Variants in BIRC6 observed in about 807,000 individuals in gnomAD.
BIRC6 encodes the protein dual E2 ubiquitin-conjugating enzyme/E3 ubiquitin-protein ligase BIRC6.
BIRC6 carries 98 observed loss-of-function variants against 503.3 expected under a neutral mutation model. The ratio of observed to expected loss-of-function variants is 0.19; its 90% confidence interval spans 0.17 to 0.23. The LOEUF (loss-of-function observed/expected upper bound fraction) is 0.23, where lower values mean the gene tolerates loss of function less well. BIRC6 is among the 10% of genes least tolerant of loss of function. The pLI is 1.00. For missense variants in BIRC6, 5,360 were observed against 5,806.0 expected, an observed-to-expected ratio of 0.92 and a Z score of 2.50; for synonymous variants, 2,240 against 2,078.7, an observed-to-expected ratio of 1.08 and a Z score of -2.11.
intron 53 of BIRC6, among the ~76,000 whole-genome samples, chr2:32,512,710 A>G (rs1240342920): frequency 6.6e-6 from 1 of 152,118 alleles, no homozygotes; most frequent in African/African-American, 2.4e-5. Context: ...AAACCTTTTG[A>G]TGGTTGAAAT....
intron 66 of BIRC6, among the ~76,000 whole-genome samples, chr2:32,581,123 G>A (rs2060646836): frequency 1.3e-5 from 2 of 152,196 alleles, no homozygotes; most frequent in Admixed American, 1.3e-4. Context: ...AAGTCGTTAA[G>A]TCAAAAAGCA....
intron 61 of BIRC6, 78 bp from the exon 62 acceptor site, chr2:32,543,163 C>A (rs1170830290): frequency 7.3e-7 from 1 of 1,361,316 alleles, no homozygotes; most frequent in Non-Finnish European, 1.0e-6. Flanking sequence ...TTAAAGAGAT[C>A]ATTTAAAGTT....
intron 62 of BIRC6, among the ~76,000 whole-genome samples, chr2:32,544,857 T>G (rs2057943879): frequency 6.6e-6 from 1 of 152,080 alleles, no homozygotes; most frequent in African/African-American, 2.4e-5. Flanking sequence ...CAGGAATTTC[T>G]AATTACTTGA....
chr2:32,523,393 A>G (rs2055939852), intron 57 of BIRC6: 2 of 152,316 alleles, frequency 1.3e-5, no homozygotes, highest in Admixed American at 6.5e-5. Flanking sequence ...TTATTACCTA[A>G]TATTCTTTGT....
At chr2:32,411,500 C>T (rs377723612) in intron 9 of BIRC6, among the ~76,000 whole-genome samples, 14 of 143,494 alleles carry the variant, frequency 9.8e-5, no homozygotes, top group East Asian at 9.0e-4. Context: ...TCTTTTGAGA[C>T]GGGATCTCAC....
chr2:32,594,701 T>TGG (rs2061571500), intron 67 of BIRC6, among the ~76,000 whole-genome samples: 3 of 132,512 alleles, frequency 2.3e-5, no homozygotes, highest in African/African-American at 5.5e-5. Flanking sequence ...TGTTTCCAGA[T>TGG]AGATGGATGG....
intron 71 of BIRC6, among the ~76,000 whole-genome samples, chr2:32,606,086 TTC>T (rs1006746647): frequency 2.4e-4 from 36 of 152,372 alleles, no homozygotes; most frequent in African/African-American, 8.7e-4. Context: ...GTAATTGCTG[TTC>T]TTTTTCATTT....
intron 10 of BIRC6, among the ~76,000 whole-genome samples, chr2:32,426,360 T>C (rs2043492513): frequency 6.6e-6 from 1 of 152,158 alleles, no homozygotes; most frequent in Admixed American, 6.5e-5. Flanking sequence ...CCCAGCACTT[T>C]GGGAGGTCAA....
intron 61 of BIRC6, among the ~76,000 whole-genome samples, chr2:32,538,981 C>T (rs1026757593): frequency 6.6e-6 from 1 of 152,044 alleles, no homozygotes. Flanking sequence ...GAAAAGCAAA[C>T]GTTTGTCAGA....
rs776800382 is a variant in BIRC6, at chr2:32,416,107, C to G, written c.2816C>G (p.Thr939Arg). The G allele has an allele frequency of 6.2e-7, 1 of 1,613,394 alleles. No individual in the cohort carries two copies. Among genetic ancestry groups the G allele is most frequent in the East Asian group, 2.2e-5 (1 of 44,880 alleles). ...AAGGAGGGCACTGAGGAACAGGACA[C>G]ATTTGTTTCTGTGATTTACTGTTCT... ...PKKEGTEEQDTFVSVIYCSGT... is the reference protein window; with the variant it reads ...PKKEGTEEQDRFVSVIYCSGT... The change falls in exon 10 of 74, where the codon ACA becomes AGA. Residue 939 changes from threonine to arginine, a missense_variant. Thr to Arg is a moderately conservative substitution (Grantham distance 71). Coordinates refer to ENST00000421745, the MANE Select transcript of BIRC6 (RefSeq NM_016252.4).
At chr2:32,521,957 C>T (rs191504946) in intron 57 of BIRC6, 7 of 152,018 alleles carry the variant, frequency 4.6e-5, no homozygotes, top group African/African-American at 9.6e-5. Flanking sequence ...CACTAAATTT[C>T]GAAATATTTT....
In BIRC6 at chr2:32,401,319, T is replaced by C; in HGVS notation, c.1191T>C (p.Pro397=). ...RISCFGSGSC[P]HFLAAATKRG... The stretch of plus-strand genomic sequence containing the variant: ...CTTGCTTTGGGTCGGGGAGCTGCCC[T>C]CATTTTCTAGCTGCTGCAACTAAAC... The change falls in exon 7 of 74, where the codon CCT becomes CCC. Residue 397 remains proline (P), a synonymous_variant. Transcript: ENST00000421745. The C allele has an allele frequency of 6.2e-7, 1 of 1,614,038 alleles. No homozygotes were observed.
At chr2:32,526,866 G>T (rs2056318233) in intron 59 of BIRC6, 1 of 152,228 alleles carries the variant, frequency 6.6e-6, no homozygotes, top group African/African-American at 2.4e-5. Context: ...AAAGATTTGT[G>T]GTGATAAAGC....
intron 61 of BIRC6, among the ~76,000 whole-genome samples, chr2:32,538,860 A>G (rs981991459): frequency 1.3e-5 from 2 of 152,228 alleles, no homozygotes; most frequent in African/African-American, 2.4e-5. Flanking sequence ...TGAACCTGAG[A>G]TCGTGCCCCT....
At chr2:32,510,054 T>A in intron 52 of BIRC6, 60 bp downstream of exon 52, 1 of 1,556,484 alleles carries the variant, frequency 6.4e-7, no homozygotes, top group Non-Finnish European at 8.7e-7. Flanking sequence ...GCAGTTGAAC[T>A]GTGCGATCTT....
chr2:32,531,523 C>G lies in BIRC6; in HGVS notation c.12263C>G (p.Pro4088Arg), dbSNP rs2056752163. Residue 4088 changes from proline (P) to arginine (R), a missense_variant, in exon 61 of 74, where the codon CCC (proline) becomes CGC (arginine). Transcript: ENST00000421745. ...CTGGCTCTTATTGCTGAAAGACTAC[C>G]CATGCTATATCCAGAAGTAATTCAA... ...GGLALIAERLPMLYPEVIQQV... is the reference protein window; with the variant it reads ...GGLALIAERLRMLYPEVIQQV... 6.2e-7 allele frequency: 1 copy of G among 1,612,956 alleles called. No individual in the cohort carries two copies. The highest frequency in any genetic ancestry group is 1.1e-5 in the South Asian group (1 of 90,896).
intron 65 of BIRC6, chr2:32,564,162 A>G (rs1315736000): frequency 6.6e-6 from 1 of 152,246 alleles, no homozygotes; most frequent in Admixed American, 6.5e-5. Context: ...GCGGCTGATA[A>G]TCTACTTTCT....
At chr2:32,416,747 T>C (rs1467592215) in intron 10 of BIRC6, among the ~76,000 whole-genome samples, 1 of 152,086 alleles carries the variant, frequency 6.6e-6, no homozygotes, top group Non-Finnish European at 1.5e-5. Flanking sequence ...AGTTATTTTT[T>C]CTTTTTTTCT....
At chr2:32,380,368 T>C in intron 3 of BIRC6, 78 bp downstream of exon 3, 1 of 1,435,368 alleles carries the variant, frequency 7.0e-7, no homozygotes, top group Non-Finnish European at 9.2e-7. Context: ...TCCTTTCCTC[T>C]CCTTTTGGAA....
Sources: gnomAD v4.1 joint callset for allele counts (sites outside exome capture counted in the v4.1 genomes callset) on GRCh38, gnomAD v4.1.1 for gene constraint, MANE v1.5 for transcripts, NCBI Gene and HGNC (gene_info 2026-07-23, HGNC 2026-07-21) for gene names.